Variants in HDGFL3 observed in about 807,000 individuals in gnomAD.
The protein encoded by HDGFL3 is hepatoma-derived growth factor-related protein 3.
A neutral mutation model predicts 27.6 loss-of-function variants in HDGFL3; 6 were observed. The ratio of observed to expected loss-of-function variants is 0.22; its 90% confidence interval spans 0.12 to 0.43. HDGFL3 has a LOEUF of 0.43. Among genes scored for constraint, HDGFL3 ranks in the 20% least tolerant of loss-of-function variants. The pLI is 1.00. For synonymous variants in HDGFL3, 88 were observed against 88.9 expected, an observed-to-expected ratio of 0.99 and a Z score of 0.05; for missense variants, 207 against 250.1, an observed-to-expected ratio of 0.83 and a Z score of 1.16.
At chr15:83,147,338 G>C (rs944161377) in intron 5 of HDGFL3, among the ~76,000 whole-genome samples, 2 of 152,096 alleles carry the variant, frequency 1.3e-5, no homozygotes, top group African/African-American at 2.4e-5. Context: ...GGGACTACAG[G>C]TGTGAGCCAC....
chr15:83,140,268 T>C (rs1264369237), intron 5 of HDGFL3, among the ~76,000 whole-genome samples: 1 of 152,142 alleles, frequency 6.6e-6, no homozygotes, highest in South Asian at 2.1e-4. Flanking sequence ...TTTTTATCCT[T>C]CTGTCCCTAT....
chr15:83,158,197 C>T (rs1313743739), intron 2 of HDGFL3, among the ~76,000 whole-genome samples, 156 bp from the exon 3 acceptor site: 1 of 152,172 alleles, frequency 6.6e-6, no homozygotes, highest in Non-Finnish European at 1.5e-5. Context: ...CGAGGTGTTT[C>T]AGACACATAC....
Position 83,207,302 on chromosome 15 carries a change from GC to G in HDGFL3, c.84+28del. On this transcript the variant is annotated intron_variant, in intron 1 of 5. Transcript: ENST00000299633. The surrounding 1 kb of genome is among the most constrained non-coding windows in gnomAD (Gnocchi z 4.8). ...TCATGAAGGGGAAAATGGTGGGCGG[GC>G]GGGCCCGCGCGCGGCCGCGGTACTC... 1 of 1,321,718 alleles carries G rather than the reference GC, an allele frequency of 7.6e-7. No individual in the cohort carries two copies. Among genetic ancestry groups the G allele is most frequent in the Non-Finnish European group, 9.7e-7 (1 of 1,026,276 alleles). 81.9% of individuals were successfully genotyped at this position (1,321,718 alleles called of 1,614,324 possible).
At chr15:83,201,740 T>C (rs149302822) in intron 1 of HDGFL3, among the ~76,000 whole-genome samples, 19 of 152,290 alleles carry the variant, frequency 1.2e-4, no homozygotes, top group African/African-American at 4.3e-4. Context: ...CCAAAGGGGA[T>C]GTGCCAGGAA....
At chr15:83,126,688 G>A (rs913902859), downstream of HDGFL3, 1 of 1,317,668 alleles carries the variant, frequency 7.6e-7, no homozygotes, top group Middle Eastern at 1.9e-4. Flanking sequence ...GGCACATTTA[G>A]CCTTATCAGC....
Position 83,136,512 on chromosome 15 carries a change from A to C in HDGFL3, c.*2758T>G. 1.3e-6 allele frequency: 2 copies of C among 1,594,260 alleles called. No homozygotes were observed. The highest frequency in any genetic ancestry group is 1.7e-6 in the Non-Finnish European group (2 of 1,175,060). ...TTTTCTCACATTGGTGCATCTCTTC[A>C]TGCTAGAACTGCTTATGTCTACAGA... is the stretch of plus-strand genomic sequence containing the variant. On this transcript the variant is annotated 3_prime_UTR_variant, in exon 6 of 6. Transcript: ENST00000299633.
chr15:83,139,171 A>AG lies in HDGFL3; in HGVS notation c.*98dup, dbSNP rs1299590656. ...AACTGGGGTTCTGTCAATGACAACA[A>AG]GGACTATGTGTTGGTTCATATCAAA... On this transcript the variant is annotated 3_prime_UTR_variant, in exon 6 of 6. Coordinates refer to ENST00000299633, the MANE Select transcript of HDGFL3 (RefSeq NM_016073.4). The AG allele has an allele frequency of 7.1e-6, 5 of 705,176 alleles. No individual in the cohort carries two copies. The highest frequency in any genetic ancestry group is 8.6e-6 in the Non-Finnish European group (4 of 466,018). The allele number at this position is 705,176 out of a possible 1,614,324, so 43.7% of individuals were successfully genotyped here.
chr15:83,120,673 C>T (rs1297479273), intron 3 of HDGFL3, among the ~76,000 whole-genome samples: 5 of 150,080 alleles, frequency 3.3e-5, no homozygotes, highest in Non-Finnish European at 5.9e-5. Context: ...CAGGTTCAAG[C>T]GATTCTCAGG....
At position 83,207,519 on chromosome 15, in the gene HDGFL3, C is replaced by T; in HGVS notation, c.-105G>A. On this transcript the variant is annotated 5_prime_UTR_variant, in exon 1 of 6. Coordinates refer to ENST00000299633, the MANE Select transcript of HDGFL3 (RefSeq NM_016073.4). This position sits in a 1 kb window ranked among gnomAD's most constrained non-coding sequence, Gnocchi z 4.8. Reference sequence around the variant, plus strand: ...CGCCGCGCTCCCCGCGGGCCTCAAGCCGGGCGGACGAGCGGCCGCTCCGAC... The same window carrying T: ...CGCCGCGCTCCCCGCGGGCCTCAAGTCGGGCGGACGAGCGGCCGCTCCGAC... The T allele has an allele frequency of 1.1e-6, 1 of 926,394 alleles. No individual in the cohort carries two copies. The allele number at this position is 926,394 out of a possible 1,614,324, so 57.4% of individuals were successfully genotyped here. A position where few individuals can be genotyped will look rare whatever the true frequency, so the allele number is the denominator to read the frequency against.
intron 1 of HDGFL3, among the ~76,000 whole-genome samples, chr15:83,193,591 T>C (rs143767159): frequency 2.0e-5 from 3 of 152,312 alleles, no homozygotes; most frequent in East Asian, 1.9e-4. Flanking sequence ...CTGGACCAGA[T>C]TGAAGACTAG....
rs1260578537 is a variant in HDGFL3 at position 83,157,927 on chromosome 15, T to C, written c.276A>G (p.Pro92=). 6.2e-7 allele frequency: 1 copy of C among 1,612,414 alleles called. No individual in the cohort carries two copies. The highest frequency in any genetic ancestry group is 1.7e-5 in the Admixed American group (1 of 59,948). Residue 92 remains proline, a synonymous_variant, in exon 3 of 6, where the codon CCA becomes CCG. Transcript: ENST00000299633. ...NEGLWEIENN[P]GVKFTGYQAI... is the part of the protein sequence containing the mutation. ...CCTGGTAGCCAGTAAACTTTACTCC[T>C]GGGTTATTTTCTATTTCCCACAATC...
chr15:83,204,655 T>C (rs564458689), intron 1 of HDGFL3, among the ~76,000 whole-genome samples: 65 of 152,310 alleles, frequency 4.3e-4, no homozygotes, highest in African/African-American at 1.5e-3. Context: ...TAAAATAGTG[T>C]AGTGATACAA....
At chr15:83,163,734 A>G in intron 2 of HDGFL3, 2 of 402,208 alleles carry the variant, frequency 5.0e-6, no homozygotes, top group Non-Finnish European at 4.5e-6. Flanking sequence ...CTAGGACTTA[A>G]AAGTGTCCTA....
intron 1 of HDGFL3, among the ~76,000 whole-genome samples, chr15:83,195,728 C>T (rs1403317212): frequency 2.0e-5 from 3 of 151,804 alleles, no homozygotes; most frequent in Non-Finnish European, 2.9e-5. Flanking sequence ...ATGTTATATG[C>T]TTAAATGCTG....
chr15:83,159,382 A>G (rs994011732), intron 2 of HDGFL3, among the ~76,000 whole-genome samples: 1 of 152,296 alleles, frequency 6.6e-6, no homozygotes, highest in Non-Finnish European at 1.5e-5. Flanking sequence ...AGATTCACAC[A>G]TTCCTTCATT....
At chr15:83,164,338 A>C (rs994457710) in intron 1 of HDGFL3, among the ~76,000 whole-genome samples, 1 of 141,186 alleles carries the variant, frequency 7.1e-6, no homozygotes, top group Non-Finnish European at 1.5e-5. Flanking sequence ...TATTCCGGGG[A>C]ATCTGTCCTA....
At chr15:83,147,512 A>ATATT (rs2036913109) in intron 5 of HDGFL3, among the ~76,000 whole-genome samples, 1 of 152,190 alleles carries the variant, frequency 6.6e-6, no homozygotes, top group Non-Finnish European at 1.5e-5. Flanking sequence ...ATCCCAGACC[A>ATATT]TGACTATTAA....
chr15:83,163,528 T>C (rs2037126884), intron 2 of HDGFL3, among the ~76,000 whole-genome samples: 1 of 152,140 alleles, frequency 6.6e-6, no homozygotes, highest in Non-Finnish European at 1.5e-5. Flanking sequence ...CTTTATTACA[T>C]CAGTGTAGTC....
At chr15:83,159,809 G>A (rs2037075690) in intron 2 of HDGFL3, among the ~76,000 whole-genome samples, 2 of 152,220 alleles carry the variant, frequency 1.3e-5, no homozygotes, top group African/African-American at 4.8e-5. Flanking sequence ...AGTGAAATGA[G>A]TGAAGGACGA....
Sources: gnomAD v4.1 joint callset for allele counts (sites outside exome capture counted in the v4.1 genomes callset) on GRCh38, gnomAD v4.1.1 for gene constraint, Gnocchi (gnomAD v3.1) non-coding constraint, MANE v1.5 for transcripts, NCBI Gene and HGNC (gene_info 2026-07-23, HGNC 2026-07-21) for gene names.